FGD4: variants seen among roughly 807,000 people sequenced by gnomAD.
FGD4 encodes FYVE, RhoGEF and PH domain-containing protein 4.
A neutral mutation model predicts 102.0 loss-of-function variants in FGD4; 42 were observed. That is an observed-to-expected ratio of 0.41 (90% CI 0.32 to 0.53). The LOEUF (loss-of-function observed/expected upper bound fraction) is 0.53. FGD4 is among the 20% of genes least tolerant of loss of function. The probability of loss-of-function intolerance (pLI) is 0.21; values close to 1 mark genes in which losing one functional copy is unlikely to be tolerated. For missense variants in FGD4, 902 were observed against 1,078.2 expected, an observed-to-expected ratio of 0.84 and a Z score of 2.29; for synonymous variants, 380 against 375.7, an observed-to-expected ratio of 1.01 and a Z score of -0.13.
At chr12:32,467,822 C>T (rs1469759226) in intron 1 of FGD4, among the ~76,000 whole-genome samples, 1 of 152,118 alleles carries the variant, frequency 6.6e-6, no homozygotes, top group Non-Finnish European at 1.5e-5. Context: ...TTGAGACCAG[C>T]CTGGCCAACG....
chr12:32,466,867 CAAAA>C (rs35375727), intron 1 of FGD4, among the ~76,000 whole-genome samples: 1 of 62,786 alleles, frequency 1.6e-5, no homozygotes, highest in Non-Finnish European at 3.0e-5. Context: ...GAGTCTGTCT[CAAAA>C]AAAAAAAAAA....
At chr12:32,603,637 G>T (rs182456747) in intron 7 of FGD4, among the ~76,000 whole-genome samples, 1 of 152,000 alleles carries the variant, frequency 6.6e-6, no homozygotes, top group Non-Finnish European at 1.5e-5. Flanking sequence ...TGCCTGCCTC[G>T]GCCTCCCAAA....
intron 2 of FGD4, among the ~76,000 whole-genome samples, chr12:32,568,729 T>A (rs1322185136): frequency 6.6e-6 from 1 of 152,226 alleles, no homozygotes; most frequent in South Asian, 2.1e-4. Context: ...TGTATAATGA[T>A]CCATTCTTTT....
chr12:32,590,577 A>C (rs1947393475), intron 4 of FGD4, among the ~76,000 whole-genome samples: 1 of 152,164 alleles, frequency 6.6e-6, no homozygotes, highest in Non-Finnish European at 1.5e-5. Flanking sequence ...GTAGCAGAGC[A>C]CAAGTTGGTT....
chr12:32,613,810 A>G (rs1055572862), intron 10 of FGD4, among the ~76,000 whole-genome samples: 2 of 152,144 alleles, frequency 1.3e-5, no homozygotes, highest in East Asian at 1.9e-4. Context: ...GGTTGAAAAG[A>G]GCCCCTATCA....
chr12:32,460,704 TG>T (rs1483860064), intron 1 of FGD4, among the ~76,000 whole-genome samples: 1 of 152,176 alleles, frequency 6.6e-6, no homozygotes, highest in African/African-American at 2.4e-5. Context: ...ATTTGAGGAT[TG>T]GTTTAGATTC....
In FGD4 at chr12:32,636,873, C is replaced by CT. The variant is rs1423444464; in HGVS notation, c.2314-1766dup. On this transcript the variant is annotated intron_variant, in intron 15 of 16. Transcript: ENST00000534526. ...TGTTCCTTTTTTCAGTATTTTTTTT[C>CT]TTTTTTTTTTTTTTTTAGACAGAGT... Among the ~76,000 whole-genome samples the CT allele has an allele frequency of 4.1e-3, 552 of 136,036 alleles. 4 individuals carry two copies. The highest frequency in any genetic ancestry group is 0.011 in the African/African-American group (409 of 36,788). 89.2% of individuals were successfully genotyped at this position (136,036 alleles called of 152,430 possible). A position where few individuals can be genotyped will look rare whatever the true frequency, so the allele number is the denominator to read the frequency against.
chr12:32,632,701 A>ATTT (rs1241301638), intron 14 of FGD4, among the ~76,000 whole-genome samples: 48 of 121,832 alleles, frequency 3.9e-4, no homozygotes, highest in African/African-American at 1.6e-3. Context: ...TTATTTATTT[A>ATTT]TTTATTTATT....
chr12:32,423,486 G>A (rs1941721917), intron 1 of FGD4, among the ~76,000 whole-genome samples: 1 of 151,688 alleles, frequency 6.6e-6, no homozygotes, highest in Non-Finnish European at 1.5e-5. Flanking sequence ...CAGCTACTTG[G>A]GAGGCCGAGG....
chr12:32,503,213 T>C (rs559214598), intron 1 of FGD4, among the ~76,000 whole-genome samples: 1 of 152,322 alleles, frequency 6.6e-6, no homozygotes, highest in South Asian at 2.1e-4. Context: ...GTAAGTTTTT[T>C]TTGTTTTTTT....
chr12:32,546,541 T>C (rs546887591), intron 1 of FGD4, among the ~76,000 whole-genome samples: 3 of 152,276 alleles, frequency 2.0e-5, no homozygotes, highest in Non-Finnish European at 2.9e-5. Flanking sequence ...TCTTTAGGGA[T>C]GCCAAAGGTG....
At chr12:32,591,050 T>C (rs1013793200) in intron 4 of FGD4, among the ~76,000 whole-genome samples, 1 of 152,166 alleles carries the variant, frequency 6.6e-6, no homozygotes, top group East Asian at 1.9e-4. Flanking sequence ...ATCTGATAAA[T>C]TGTGGTACAA....
intron 1 of FGD4, among the ~76,000 whole-genome samples, chr12:32,411,408 C>T (rs1478893666): frequency 3.3e-5 from 5 of 151,848 alleles, no homozygotes; most frequent in Admixed American, 6.6e-5. Context: ...GTGGCACACG[C>T]CTGTAATCCC....
intron 10 of FGD4, among the ~76,000 whole-genome samples, chr12:32,617,613 A>G (rs73083495): frequency 0.15 from 23,055 of 152,236 alleles, 2,030 homozygotes; most frequent in Middle Eastern, 0.26. Context: ...TTGCTTCACC[A>G]ATCACTACTT....
intron 1 of FGD4, among the ~76,000 whole-genome samples, chr12:32,466,116 AAATAT>A (rs1310863423): frequency 6.6e-6 from 1 of 152,164 alleles, no homozygotes; most frequent in East Asian, 1.9e-4. Context: ...TTGTTTTTTA[AAATAT>A]AATGGTATTG....
chr12:32,400,226 C>A (rs552678564), intron 1 of FGD4, among the ~76,000 whole-genome samples: 2 of 152,348 alleles, frequency 1.3e-5, no homozygotes, highest in Non-Finnish European at 2.9e-5. Context: ...AGGTAGAATT[C>A]TCTTTTTCTC....
chr12:32,559,295 G>A (rs1944350593), intron 1 of FGD4, among the ~76,000 whole-genome samples: 1 of 152,106 alleles, frequency 6.6e-6, no homozygotes, highest in Non-Finnish European at 1.5e-5. Context: ...CTTCTTTTAG[G>A]CAAACTTCTT....
chr12:32,567,686 C>CTTTTTT (rs36064998), intron 2 of FGD4, among the ~76,000 whole-genome samples: 1 of 126,406 alleles, frequency 7.9e-6, no homozygotes, highest in African/African-American at 3.0e-5. Context: ...TTATTGTGGG[C>CTTTTTT]TTTTTTTTTT....
rs1565888491 is a variant in FGD4 at position 32,598,605 on chromosome 12, G to A, written c.1101+19G>A. The A allele has an allele frequency of 6.3e-7, 1 of 1,590,948 alleles. No homozygotes were observed. The highest frequency in any genetic ancestry group is 1.3e-5 in the African/African-American group (1 of 74,536). On this transcript the variant is annotated intron_variant, in intron 5 of 16. Coordinates refer to ENST00000534526, the MANE Select transcript of FGD4 (RefSeq NM_001370298.3). ...AGATCAGGTAAGATTTTCTTTCTCA[G>A]AATTATTTTATATTTTGGCATTATA... is the stretch of plus-strand genomic sequence containing the variant.
Sources: gnomAD v4.1 joint callset for allele counts (sites outside exome capture counted in the v4.1 genomes callset) on GRCh38, gnomAD v4.1.1 for gene constraint, MANE v1.5 for transcripts, NCBI Gene and HGNC (gene_info 2026-07-23, HGNC 2026-07-21) for gene names.